CLDN14: variants seen among roughly 807,000 people sequenced by gnomAD.
CLDN14 encodes claudin-14.
A neutral mutation model predicts 2.1 loss-of-function variants in CLDN14; 2 were observed. The observed-to-expected ratio is 0.96, with a 90% CI of 0.39 to 3.01. CLDN14 has a LOEUF of 3.01. Ranked by LOEUF, CLDN14 falls within the 30% of genes most tolerant of loss-of-function variation. The pLI is 0.09. For synonymous variants in CLDN14, 136 were observed against 154.4 expected, an observed-to-expected ratio of 0.88 and a Z score of 0.88; for missense variants, 298 against 328.0, an observed-to-expected ratio of 0.91 and a Z score of 0.71.
chr21:36,542,205 C>T (rs539381929), intron 1 of CLDN14, among the ~76,000 whole-genome samples: 1 of 152,258 alleles, frequency 6.6e-6, no homozygotes, highest in East Asian at 1.9e-4. Context: ...CCTCATGATC[C>T]GCCCGCCTCG....
At chr21:36,477,506 A>G (rs1263627543) in intron 1 of CLDN14, 3 of 152,138 alleles carry the variant, frequency 2.0e-5, no homozygotes, top group Non-Finnish European at 4.4e-5. Context: ...TCTAAATCTC[A>G]GTTTTTGTTT....
At chr21:36,521,438 C>A (rs991615268) in intron 1 of CLDN14, among the ~76,000 whole-genome samples, 75 of 152,272 alleles carry the variant, frequency 4.9e-4, no homozygotes, top group African/African-American at 1.7e-3. Context: ...TGCTGAATAG[C>A]CATTGAGTTA....
intron 1 of CLDN14, among the ~76,000 whole-genome samples, chr21:36,511,387 T>A (rs2087185534): frequency 6.6e-6 from 1 of 152,212 alleles, no homozygotes. Context: ...CTTGTGTCAT[T>A]GTCCAATTTT....
rs2087043864 is a variant in CLDN14, at chr21:36,497,371, GAGGGAGGGAGGGAGGGAGGAAGGA to G, written c.-82+12968_-82+12991del. Among the ~76,000 whole-genome samples, 2 of 9,902 alleles carry G rather than the reference GAGGGAGGGAGGGAGGGAGGAAGGA, an allele frequency of 2.0e-4. 1 individual carries two copies. The highest frequency in any genetic ancestry group is 7.7e-4 in the Non-Finnish European group (2 of 2,588). The allele number at this position is 9,902 out of a possible 152,430, so 6.5% of individuals were successfully genotyped here. A position where few individuals can be genotyped will look rare whatever the true frequency, so the allele number is the denominator to read the frequency against. ...GGAGGGAGGGAGGGAGCGAGGGAGGGAGGGAGGGAGGGAGGGAGGAAGGAAGGGAGGGAGGGAGGGAGGAAGGGA... is the reference window on the plus strand; with the variant it reads ...GGAGGGAGGGAGGGAGCGAGGGAGGGAGGGAGGGAGGGAGGGAGGAAGGGA... On this transcript the variant is annotated intron_variant, in intron 2 of 2. Coordinates refer to the CLDN14 transcript ENST00000342108.
intron 2 of CLDN14, among the ~76,000 whole-genome samples, chr21:36,503,714 A>G (rs1411711914): frequency 6.6e-6 from 1 of 152,216 alleles, no homozygotes; most frequent in African/African-American, 2.4e-5. Context: ...ATGGATTTTT[A>G]AATTAATGGA....
At chr21:36,494,930 C>T (rs2087002420) in intron 2 of CLDN14, among the ~76,000 whole-genome samples, 1 of 152,206 alleles carries the variant, frequency 6.6e-6, no homozygotes. Flanking sequence ...ACATCTGTAT[C>T]CAGACGAGGA....
At chr21:36,510,034 C>A (rs1174200896) in intron 2 of CLDN14, among the ~76,000 whole-genome samples, 2 of 152,230 alleles carry the variant, frequency 1.3e-5, no homozygotes, top group Non-Finnish European at 2.9e-5. Context: ...GAGGTCCAGC[C>A]TTTGCTACAG....
chr21:36,488,209 T>C (rs2086917064), intron 2 of CLDN14, among the ~76,000 whole-genome samples: 1 of 108,046 alleles, frequency 9.3e-6, no homozygotes, highest in South Asian at 3.1e-4. Flanking sequence ...AAAAGACAAA[T>C]ACTGTGATTC....
Position 36,498,665 on chromosome 21 carries a change from T to C in CLDN14, c.-82+11698A>G, listed in dbSNP as rs993877319. Reference sequence around the variant, plus strand: ...CTCTTCCCCTCCACCCTGGAAAAAATGAACATAGGATCTGGCTGTGGCAGA... The same window carrying C: ...CTCTTCCCCTCCACCCTGGAAAAAACGAACATAGGATCTGGCTGTGGCAGA... On this transcript the variant is annotated intron_variant, in intron 2 of 2. Transcript: ENST00000342108. This position sits in a 1 kb window ranked among gnomAD's most constrained non-coding sequence, Gnocchi z 4.9. Among the ~76,000 whole-genome samples the C allele has an allele frequency of 4.0e-5, 6 of 151,826 alleles. No individual in the cohort carries two copies. The highest frequency in any genetic ancestry group is 1.5e-4 in the African/African-American group (6 of 41,326).
intron 2 of CLDN14, chr21:36,486,255 A>G (rs1337930133): frequency 1.2e-6 from 1 of 824,596 alleles, no homozygotes; most frequent in African/African-American, 1.8e-5. Flanking sequence ...TGACATAAGC[A>G]ATCCCCTCTT....
chr21:36,547,547 A>G (rs2087533788), intron 1 of CLDN14, among the ~76,000 whole-genome samples: 1 of 152,202 alleles, frequency 6.6e-6, no homozygotes, highest in South Asian at 2.1e-4. Context: ...TAAGGGAATC[A>G]GAAACACGTG....
intron 1 of CLDN14, among the ~76,000 whole-genome samples, chr21:36,477,097 A>G (rs2086788745): frequency 6.6e-6 from 1 of 152,228 alleles, no homozygotes; most frequent in African/African-American, 2.4e-5. Context: ...AAATGAAAAT[A>G]CAGAACCCCT....
At chr21:36,531,583 A>C (rs2087380451) in intron 1 of CLDN14, among the ~76,000 whole-genome samples, 1 of 151,954 alleles carries the variant, frequency 6.6e-6, no homozygotes, top group African/African-American at 2.4e-5. Flanking sequence ...TATGTTTAAA[A>C]GGCCTCTATA....
At chr21:36,486,856 T>A in intron 2 of CLDN14, 1 of 720,634 alleles carries the variant, frequency 1.4e-6, no homozygotes, top group Non-Finnish European at 2.6e-6. Flanking sequence ...GATCTTGCCC[T>A]TGGGTTGGAC....
At chr21:36,521,904 T>A (rs2087274225) in intron 1 of CLDN14, among the ~76,000 whole-genome samples, 2 of 152,180 alleles carry the variant, frequency 1.3e-5, no homozygotes, top group African/African-American at 2.4e-5. Flanking sequence ...AAAATCACAT[T>A]GGAAAATATC....
At chr21:36,505,139 A>C (rs1236796200) in intron 2 of CLDN14, among the ~76,000 whole-genome samples, 1 of 152,262 alleles carries the variant, frequency 6.6e-6, no homozygotes, top group Non-Finnish European at 1.5e-5. Flanking sequence ...ATATGAGAAC[A>C]GAAATGGACA....
intron 1 of CLDN14, among the ~76,000 whole-genome samples, chr21:36,528,892 C>T (rs1057480463): frequency 6.6e-6 from 1 of 152,208 alleles, no homozygotes; most frequent in African/African-American, 2.4e-5. Context: ...GCAACCCTGC[C>T]TGGCCCTCCA....
chr21:36,511,858 G>A (rs1040321930), intron 1 of CLDN14, among the ~76,000 whole-genome samples: 4 of 152,142 alleles, frequency 2.6e-5, no homozygotes, highest in East Asian at 1.9e-4. Context: ...TGATAGCCTC[G>A]TACTGAAGTA....
intron 1 of CLDN14, among the ~76,000 whole-genome samples, chr21:36,537,262 A>G (rs893593639): frequency 6.6e-6 from 1 of 152,164 alleles, no homozygotes; most frequent in Non-Finnish European, 1.5e-5. Flanking sequence ...AAAAAAATCC[A>G]GGCTGTGGGG....
Sources: gnomAD v4.1 joint callset for allele counts (sites outside exome capture counted in the v4.1 genomes callset) on GRCh38, gnomAD v4.1.1 for gene constraint, Gnocchi (gnomAD v3.1) non-coding constraint, MANE v1.5 for transcripts, NCBI Gene and HGNC (gene_info 2026-07-23, HGNC 2026-07-21) for gene names.